FBXO9: variants seen among roughly 807,000 people sequenced by gnomAD.
FBXO9 encodes F-box only protein 9.
A neutral mutation model predicts 63.7 loss-of-function variants in FBXO9; 43 were observed. The observed-to-expected ratio is 0.67, with a 90% CI of 0.53 to 0.87. The LOEUF (loss-of-function observed/expected upper bound fraction) is 0.87, where lower values mean the gene tolerates loss of function less well. Ranked by LOEUF, FBXO9 falls within the 40% of genes least tolerant of loss-of-function variation. FBXO9 has a pLI of 0.00. For synonymous variants in FBXO9, 156 were observed against 171.7 expected (o/e 0.91, Z 0.72); for missense variants, 442 against 533.2 (o/e 0.83, Z 1.68).
intron 5 of FBXO9, among the ~76,000 whole-genome samples, chr6:53,080,048 G>A (rs1769253955): frequency 6.9e-6 from 1 of 144,694 alleles, no homozygotes; most frequent in Non-Finnish European, 1.5e-5. Flanking sequence ...ATAAATATGT[G>A]CCAGATGCTG....
chr6:53,073,690 T>A, intron 3 of FBXO9, 51 bp downstream of exon 3: 1 of 1,446,386 alleles, frequency 6.9e-7, no homozygotes, highest in Admixed American at 2.3e-5. Flanking sequence ...TTTTGGCACA[T>A]GGAAATTTTC....
At chr6:53,087,129 C>T (rs911262957) in intron 7 of FBXO9, among the ~76,000 whole-genome samples, 2 of 151,720 alleles carry the variant, frequency 1.3e-5, no homozygotes, top group African/African-American at 4.8e-5. Flanking sequence ...ATGGGTTGGA[C>T]CCAGGAGTTC....
intron 1 of FBXO9, 43 bp downstream of exon 1, chr6:53,065,835 G>A: frequency 7.6e-7 from 1 of 1,313,954 alleles, no homozygotes; most frequent in South Asian, 2.0e-5. Context: ...CGCGGGGCGG[G>A]AGCGTGGTGT....
rs913426494 is a variant in FBXO9, at chr6:53,098,759, A to G, written c.*929A>G. ...AACTGACTCAGTTGTCATTCTTCAC[A>G]AAAGAATAGTAGAGGATCATGTAAA... On this transcript the variant is annotated 3_prime_UTR_variant, in exon 13 of 13. Transcript: ENST00000323557. The G allele has an allele frequency of 6.6e-6, 1 of 152,240 alleles. No homozygotes were observed. The highest frequency in any genetic ancestry group is 1.5e-5 in the Non-Finnish European group (1 of 68,056). 9.4% of individuals were successfully genotyped at this position (152,240 alleles called of 1,614,324 possible). A position where few individuals can be genotyped will look rare whatever the true frequency, so the allele number is the denominator to read the frequency against.
chr6:53,093,360 A>T (rs747694159), intron 9 of FBXO9, 106 bp from the exon 10 acceptor site: 8 of 645,564 alleles, frequency 1.2e-5, no homozygotes, highest in Non-Finnish European at 2.1e-5. Context: ...GTGGTATTTC[A>T]GTGTTGGTTT....
Position 53,092,239 on chromosome 6 carries a change from G to A in FBXO9, c.654-190G>A, listed in dbSNP as rs117188160. On this transcript the variant is annotated intron_variant, in intron 7 of 12. Coordinates refer to ENST00000323557, the MANE Select transcript of FBXO9 (RefSeq NM_033480.3). ...TTTTGCACTAAGCGTACTACCAGAA[G>A]CTTTCCTCTCAATTTGCTTTCCCAC... 3 of 543,754 alleles carry A rather than the reference G, an allele frequency of 5.5e-6. No homozygotes were observed. In the East Asian group the frequency reaches 9.2e-5, roughly 17 times the overall value. 33.7% of individuals were successfully genotyped at this position (543,754 alleles called of 1,614,324 possible).
At chr6:53,086,103 C>T (rs1392596399) in intron 7 of FBXO9, among the ~76,000 whole-genome samples, 6 of 152,106 alleles carry the variant, frequency 3.9e-5, no homozygotes, top group Non-Finnish European at 7.3e-5. Context: ...GAGCTAAGAT[C>T]GCACCATTGC....
At position 53,073,656 on chromosome 6, in the gene FBXO9, T is replaced by C. The variant is rs551672134; in HGVS notation, c.249+17T>C. 3.6e-5 allele frequency: 53 copies of C among 1,475,142 alleles called. No individual in the cohort carries two copies. Among genetic ancestry groups the C allele is most frequent in the East Asian group, 7.6e-5 (3 of 39,402 alleles). The allele number at this position is 1,475,142 out of a possible 1,614,324, so 91.4% of individuals were successfully genotyped here. ...GAAGAAAAGTTAAGTATTATAGATA[T>C]TGTAACAAATTACATTTTTTTTTTT... On this transcript the variant is annotated intron_variant, in intron 3 of 12. Transcript: ENST00000323557.
chr6:53,082,259 T>C (rs1407083073), intron 6 of FBXO9, among the ~76,000 whole-genome samples: 1 of 152,170 alleles, frequency 6.6e-6, no homozygotes, highest in Non-Finnish European at 1.5e-5. Flanking sequence ...AAAATAATCT[T>C]ATGAGGGAAA....
chr6:53,084,546 T>A (rs1045827496), intron 7 of FBXO9, among the ~76,000 whole-genome samples: 3 of 152,232 alleles, frequency 2.0e-5, no homozygotes, highest in Admixed American at 2.0e-4. Context: ...CACAAAAACA[T>A]CAGATTCTCC....
chr6:53,065,825 C>A, intron 1 of FBXO9, 33 bp downstream of exon 1: 1 of 1,322,950 alleles, frequency 7.6e-7, no homozygotes, highest in Non-Finnish European at 9.7e-7. Flanking sequence ...GGGTGGACGC[C>A]GCGGGGCGGG....
chr6:53,092,278 G>A, intron 7 of FBXO9, 151 bp from the exon 8 acceptor site: 2 of 593,692 alleles, frequency 3.4e-6, no homozygotes, highest in Admixed American at 3.2e-5. Context: ...AAAAGAGCAG[G>A]GCCTTTGCCT....
At chr6:53,097,337 G>A (rs1475285334) in intron 12 of FBXO9, among the ~76,000 whole-genome samples, 1 of 152,074 alleles carries the variant, frequency 6.6e-6, no homozygotes, top group Non-Finnish European at 1.5e-5. Flanking sequence ...AGAAATAGTA[G>A]ACACAACCTA....
chr6:53,065,592 C>G lies in FBXO9; in HGVS notation c.-198C>G, dbSNP rs1581800243. 1.5e-5 allele frequency: 9 copies of G among 583,150 alleles called. No homozygotes were observed. In the East Asian group the frequency reaches 3.1e-4, roughly 20 times the overall value. 36.1% of individuals were successfully genotyped at this position (583,150 alleles called of 1,614,324 possible). On this transcript the variant is annotated 5_prime_UTR_variant, in exon 1 of 13. Coordinates refer to ENST00000323557, the MANE Select transcript of FBXO9 (RefSeq NM_033480.3). ...CAGCGCGCCCCGATCTGGCCCCCTGCCCCGCGAAGATGGCTGCCGTACGCC... is the reference window on the plus strand; with the variant it reads ...CAGCGCGCCCCGATCTGGCCCCCTGGCCCGCGAAGATGGCTGCCGTACGCC...
At chr6:53,086,436 A>C (rs1762889423) in intron 7 of FBXO9, among the ~76,000 whole-genome samples, 2 of 152,232 alleles carry the variant, frequency 1.3e-5, no homozygotes, top group African/African-American at 4.8e-5. Context: ...TGATAAAACA[A>C]TAAATTTTTT....
intron 3 of FBXO9, 176 bp downstream of exon 3, chr6:53,073,815 G>T: frequency 1.9e-6 from 1 of 513,792 alleles, no homozygotes; most frequent in Non-Finnish European, 3.3e-6. Context: ...TTTCTTCTAG[G>T]TACTTTGGAT....
At chr6:53,084,411 A>G (rs962124938) in intron 7 of FBXO9, among the ~76,000 whole-genome samples, 3 of 152,252 alleles carry the variant, frequency 2.0e-5, no homozygotes, top group Admixed American at 2.0e-4. Flanking sequence ...AGTTACCAGC[A>G]GAAGCTATTG....
rs568024626 is a variant in FBXO9 at position 53,097,450 on chromosome 6, TAAATG to T, written c.1206-267_1206-263del. On this transcript the variant is annotated intron_variant, in intron 12 of 12. Coordinates refer to ENST00000323557, the MANE Select transcript of FBXO9 (RefSeq NM_033480.3). ...AATGATGTGGGAAAATACAAATAAT[TAAATG>T]AAATAAAAAGAATTACTAAGTTTGA... Among the ~76,000 whole-genome samples, 1,247 of 152,180 alleles carry T rather than the reference TAAATG, an allele frequency of 8.2e-3. 14 individuals are homozygous for T. Among genetic ancestry groups the T allele is most frequent in the Non-Finnish European group, 0.015 (1,005 of 67,988 alleles).
rs911493102 is a variant in FBXO9 at position 53,100,259 on chromosome 6, G to A, written c.*2429G>A. 3 of 152,044 alleles carry A rather than the reference G, an allele frequency of 2.0e-5. No homozygotes were observed. The highest frequency in any genetic ancestry group is 2.9e-5 in the Non-Finnish European group (2 of 68,010). 9.4% of individuals were successfully genotyped at this position (152,044 alleles called of 1,614,324 possible). A position where few individuals can be genotyped will look rare whatever the true frequency, so the allele number is the denominator to read the frequency against. On this transcript the variant is annotated 3_prime_UTR_variant, in exon 13 of 13. Transcript: ENST00000323557. ...TCTTCTGGTCTTTGCAAATCCTGCC[G>A]TAGAAACTTTTTAACTTCAGGAGTG...
Sources: allele counts gnomAD v4.1 joint callset (sites outside exome capture counted in the v4.1 genomes callset), GRCh38; gene constraint gnomAD v4.1.1; transcripts MANE v1.5; gene names NCBI Gene and HGNC (gene_info 2026-07-23, HGNC 2026-07-21).